CFAP77: variants seen among roughly 807,000 people sequenced by gnomAD.
CFAP77 encodes the protein cilia- and flagella-associated protein 77.
Under a neutral mutation model 31.1 loss-of-function variants are expected in CFAP77, and 25 were observed. The observed-to-expected ratio is 0.80, with a 90% confidence interval of 0.59 to 1.12. The LOEUF (loss-of-function observed/expected upper bound fraction) is 1.12. Among genes scored for constraint, CFAP77 ranks in the 50% most tolerant of loss-of-function variants. The pLI is 0.00. For missense variants in CFAP77, 377 were observed against 397.3 expected, an observed-to-expected ratio of 0.95 and a Z score of 0.44; for synonymous variants, 151 against 159.9, an observed-to-expected ratio of 0.94 and a Z score of 0.42.
chr9:132,537,546 G>C, intron 3 of CFAP77, 55 bp from the exon 4 acceptor site: 1 of 1,356,412 alleles, frequency 7.4e-7, no homozygotes, highest in South Asian at 1.3e-5. Context: ...GGTGGGGAGC[G>C]GGTGCCTCTG....
rs141652849 is a variant in CFAP77, at chr9:132,428,055, G to A, written c.195+17589G>A. 5.0e-3 allele frequency among the ~76,000 whole-genome samples: 751 copies of A among 151,178 alleles called. 4 individuals are homozygous for A. The highest frequency in any genetic ancestry group is 0.017 in the African/African-American group (687 of 41,092). ...GCTTTGTCACCCAGGCTGGAGTTCA[G>A]TGGTACAATCATAGCTCACTGCAGC... On this transcript the variant is annotated intron_variant, in intron 1 of 5. Coordinates refer to ENST00000393216, the MANE Select transcript of CFAP77 (RefSeq NM_001282957.2).
At chr9:132,477,248 C>T (rs937345282) in intron 1 of CFAP77, among the ~76,000 whole-genome samples, 4 of 152,284 alleles carry the variant, frequency 2.6e-5, no homozygotes, top group Non-Finnish European at 4.4e-5. Flanking sequence ...TCTGTAAACC[C>T]GGCACAAGAG....
chr9:132,520,354 T>A (rs1852246017), intron 3 of CFAP77, among the ~76,000 whole-genome samples: 1 of 152,108 alleles, frequency 6.6e-6, no homozygotes, highest in Non-Finnish European at 1.5e-5. Flanking sequence ...GAAGATATAG[T>A]ACATTTCCAG....
intron 3 of CFAP77, among the ~76,000 whole-genome samples, chr9:132,506,524 C>T (rs1331478952): frequency 6.6e-6 from 1 of 151,788 alleles, no homozygotes; most frequent in East Asian, 1.9e-4. Context: ...GGCTCTGCCG[C>T]TGTTCTGCTT....
intron 1 of CFAP77, among the ~76,000 whole-genome samples, chr9:132,460,853 G>A (rs905569188): frequency 6.6e-6 from 1 of 152,122 alleles, no homozygotes; most frequent in East Asian, 1.9e-4. Flanking sequence ...AGCCTCCTGA[G>A]TAGCTGGGAT....
At chr9:132,426,417 G>GCA in intron 1 of CFAP77, among the ~76,000 whole-genome samples, 1 of 152,258 alleles carries the variant, frequency 6.6e-6, no homozygotes, top group Non-Finnish European at 1.5e-5. Context: ...AACCCAAGTT[G>GCA]GGGGGAAATG....
chr9:132,459,809 A>ATG (rs1322399583), intron 1 of CFAP77, among the ~76,000 whole-genome samples: 1 of 146,576 alleles, frequency 6.8e-6, no homozygotes, highest in Non-Finnish European at 1.5e-5. Flanking sequence ...CGATGTGTGT[A>ATG]TGTGTGTGTA....
chr9:132,451,060 G>C (rs961605363), intron 1 of CFAP77, among the ~76,000 whole-genome samples: 7 of 152,178 alleles, frequency 4.6e-5, no homozygotes, highest in Non-Finnish European at 1.0e-4. Context: ...AATTGGTCCG[G>C]GCACGGTGCC....
chr9:132,439,348 C>T (rs1850574316), intron 1 of CFAP77, among the ~76,000 whole-genome samples: 1 of 152,162 alleles, frequency 6.6e-6, no homozygotes, highest in African/African-American at 2.4e-5. Context: ...TGTTCTTTCA[C>T]CTGCTTGAAT....
At chr9:132,536,312 C>T (rs943885720) in intron 3 of CFAP77, among the ~76,000 whole-genome samples, 3 of 151,786 alleles carry the variant, frequency 2.0e-5, no homozygotes, top group African/African-American at 7.3e-5. Flanking sequence ...TCTGGCATAG[C>T]AGGTGGCTTC....
intron 1 of CFAP77, among the ~76,000 whole-genome samples, chr9:132,461,973 C>T (rs996666947): frequency 4.6e-5 from 7 of 152,176 alleles, no homozygotes; most frequent in African/African-American, 1.7e-4. Context: ...CAAGGAAATC[C>T]AGAGAGGACT....
At chr9:132,429,375 C>T (rs1480711096) in intron 1 of CFAP77, among the ~76,000 whole-genome samples, 1 of 151,668 alleles carries the variant, frequency 6.6e-6, no homozygotes, top group African/African-American at 2.4e-5. Context: ...CCTGTCTCTA[C>T]TAAAAATACA....
chr9:132,434,876 C>T (rs1023003321), intron 1 of CFAP77, among the ~76,000 whole-genome samples: 4 of 152,168 alleles, frequency 2.6e-5, no homozygotes, highest in Non-Finnish European at 4.4e-5. Flanking sequence ...GTCAGATGCA[C>T]GCTCTGCCTG....
chr9:132,563,850 C>T lies in CFAP77; in HGVS notation c.733-8538C>T, dbSNP rs140367283. ...CTTAATGTGCTATTCCCTGATGATG[C>T]GCTGGGTTGAGCATACTGTCCTGTT... is the stretch of plus-strand genomic sequence containing the variant. On this transcript the variant is annotated intron_variant, in intron 5 of 5. Transcript: ENST00000393216. 1.9e-3 allele frequency among the ~76,000 whole-genome samples: 288 copies of T among 152,290 alleles called. 1 individual carries two copies. Among genetic ancestry groups the T allele is most frequent in the African/African-American group, 6.5e-3 (271 of 41,566 alleles).
chr9:132,522,079 T>C (rs915303289), intron 3 of CFAP77, among the ~76,000 whole-genome samples: 1 of 152,056 alleles, frequency 6.6e-6, no homozygotes, highest in Non-Finnish European at 1.5e-5. Context: ...TGCATTTTTT[T>C]AAAAAGCCCT....
chr9:132,463,953 G>A (rs1851106959), intron 1 of CFAP77, among the ~76,000 whole-genome samples: 1 of 152,180 alleles, frequency 6.6e-6, no homozygotes, highest in Non-Finnish European at 1.5e-5. Context: ...GCTGGGAGCC[G>A]CCTGATGGTT....
chr9:132,467,625 T>C (rs894305543), intron 1 of CFAP77, among the ~76,000 whole-genome samples: 12 of 152,244 alleles, frequency 7.9e-5, no homozygotes, highest in African/African-American at 2.7e-4. Flanking sequence ...TTTCCACCTT[T>C]TGGCTATTGT....
At chr9:132,523,606 A>AG (rs1852308013) in intron 3 of CFAP77, among the ~76,000 whole-genome samples, 1 of 152,178 alleles carries the variant, frequency 6.6e-6, no homozygotes, top group Non-Finnish European at 1.5e-5. Flanking sequence ...TGGGAGGCAC[A>AG]GGGGGGTCCG....
Position 132,509,975 on chromosome 9 carries a change from A to G in CFAP77, c.524+10375A>G, listed in dbSNP as rs140125776. Among the ~76,000 whole-genome samples the G allele has an allele frequency of 4.6e-5, 7 of 152,252 alleles. No homozygotes were observed. In the East Asian group the frequency reaches 1.2e-3, roughly 25 times the overall value. ...TCATGGGAGCTTTGTCTCCAGAGCC[A>G]GGACAGAGACATTTTTCATGCTTTG... On this transcript the variant is annotated intron_variant, in intron 3 of 5. Coordinates refer to ENST00000393216, the MANE Select transcript of CFAP77 (RefSeq NM_001282957.2).
Sources: allele counts gnomAD v4.1 joint callset (sites outside exome capture counted in the v4.1 genomes callset), GRCh38; gene constraint gnomAD v4.1.1; transcripts MANE v1.5; gene names NCBI Gene and HGNC (gene_info 2026-07-23, HGNC 2026-07-21).